Variants in MACC1 observed in about 807,000 individuals in gnomAD.
MACC1 encodes the protein metastasis-associated in colon cancer protein 1.
Under a neutral mutation model 70.7 loss-of-function variants are expected in MACC1, and 79 were observed. The ratio of observed to expected loss-of-function variants is 1.12; its 90% CI spans 0.93 to 1.35. The LOEUF (loss-of-function observed/expected upper bound fraction) is 1.35, where lower values mean the gene tolerates loss of function less well. Ranked by LOEUF, MACC1 falls within the 40% of genes most tolerant of loss-of-function variation. The pLI is 0.00. For synonymous variants in MACC1, 361 were observed against 347.2 expected (o/e 1.04, Z -0.44); for missense variants, 1,106 against 978.1 (o/e 1.13, Z -1.74).
At chr7:20,182,768 T>G (rs2128106059) in intron 1 of MACC1, among the ~76,000 whole-genome samples, 1 of 152,262 alleles carries the variant, frequency 6.6e-6, no homozygotes. Context: ...CTTTGACACA[T>G]GGGAGTCACT....
At chr7:20,179,022 C>T (rs1346516549) in intron 1 of MACC1, among the ~76,000 whole-genome samples, 1 of 152,124 alleles carries the variant, frequency 6.6e-6, no homozygotes, top group Admixed American at 6.5e-5. Flanking sequence ...GAAATGAATA[C>T]TCTTTTCTTC....
intron 1 of MACC1, among the ~76,000 whole-genome samples, chr7:20,204,027 T>G (rs1193633679): frequency 6.6e-6 from 1 of 152,248 alleles, no homozygotes; most frequent in Non-Finnish European, 1.5e-5. Flanking sequence ...GTACATGCTT[T>G]TATATTATTT....
intron 1 of MACC1, among the ~76,000 whole-genome samples, chr7:20,193,907 T>G (rs1459193016): frequency 6.6e-6 from 1 of 151,760 alleles, no homozygotes. Context: ...CACACACACC[T>G]TTAAGAAGCC....
chr7:20,173,069 C>A (rs1202134450), intron 1 of MACC1, among the ~76,000 whole-genome samples: 1 of 152,136 alleles, frequency 6.6e-6, no homozygotes, highest in African/African-American at 2.4e-5. Context: ...GCATCAAAAT[C>A]AATTTCAGAG....
chr7:20,172,694 C>T (rs1281609699), intron 1 of MACC1, among the ~76,000 whole-genome samples: 1 of 152,184 alleles, frequency 6.6e-6, no homozygotes, highest in Non-Finnish European at 1.5e-5. Context: ...TTAATTCTTT[C>T]AATTGACCTA....
intron 1 of MACC1, among the ~76,000 whole-genome samples, chr7:20,206,778 C>T (rs1306049210): frequency 1.3e-5 from 2 of 152,188 alleles, no homozygotes; most frequent in African/African-American, 4.8e-5. Flanking sequence ...ATCTGTTCTT[C>T]CTTCCAAACC....
At chr7:20,195,353 A>T (rs1583407540) in intron 1 of MACC1, among the ~76,000 whole-genome samples, 1 of 152,252 alleles carries the variant, frequency 6.6e-6, no homozygotes, top group African/African-American at 2.4e-5. Flanking sequence ...CAAGGTGGCC[A>T]TTCCACAGGC....
In MACC1 at chr7:20,158,210, A is replaced by C; in HGVS notation, c.2151T>G (p.Leu717=). 6.4e-7 allele frequency: 1 copy of C among 1,569,218 alleles called. No homozygotes were observed. Among genetic ancestry groups the C allele is most frequent in the Non-Finnish European group, 8.6e-7 (1 of 1,164,696 alleles). ...ERNTRKFLYE[L]IVALLKMDCQ... ...ATGATCAAGCAATACTCACCACAAT[A>C]AGTTCATACAGAAACTTCCTTGTAT... The change falls in exon 5 of 7, where the codon CTT becomes CTG. Residue 717 remains leucine (L), a synonymous_variant. Transcript: ENST00000400331.
intron 1 of MACC1, among the ~76,000 whole-genome samples, chr7:20,197,191 C>G (rs1266352866): frequency 6.6e-6 from 1 of 152,180 alleles, no homozygotes; most frequent in East Asian, 1.9e-4. Flanking sequence ...CTGACAAAAA[C>G]TAAAGAGAAT....
intron 1 of MACC1, among the ~76,000 whole-genome samples, chr7:20,185,242 C>T (rs1782568220): frequency 6.6e-6 from 1 of 152,154 alleles, no homozygotes; most frequent in Admixed American, 6.5e-5. Flanking sequence ...CTATCAATAT[C>T]CCAGCCATTT....
At chr7:20,176,425 A>T (rs1045690585) in intron 1 of MACC1, among the ~76,000 whole-genome samples, 22 of 152,098 alleles carry the variant, frequency 1.4e-4, no homozygotes, top group African/African-American at 5.3e-4. Flanking sequence ...GATCAAGTCT[A>T]TTGTTTTCAA....
chr7:20,152,686 G>A (rs924783495), intron 6 of MACC1, among the ~76,000 whole-genome samples: 1 of 152,152 alleles, frequency 6.6e-6, no homozygotes, highest in Non-Finnish European at 1.5e-5. Flanking sequence ...GATTTGGGCT[G>A]TGCAAAAGTA....
Position 20,139,841 on chromosome 7 carries a change from C to G in MACC1, c.*1105G>C, listed in dbSNP as rs1781771003. The G allele has an allele frequency of 6.6e-6, 1 of 152,050 alleles. No homozygotes were observed. The highest frequency in any genetic ancestry group is 2.4e-5 in the African/African-American group (1 of 41,304). The allele number at this position is 152,050 out of a possible 1,614,324, so 9.4% of individuals were successfully genotyped here. On this transcript the variant is annotated 3_prime_UTR_variant, in exon 7 of 7. Transcript: ENST00000400331. ...ACACTGTGGTACACACACACACACACACACACACACACACACACACATGTG... is the reference window on the plus strand; with the variant it reads ...ACACTGTGGTACACACACACACACAGACACACACACACACACACACATGTG...
intron 1 of MACC1, among the ~76,000 whole-genome samples, chr7:20,199,876 G>C (rs1782807613): frequency 6.6e-6 from 1 of 152,010 alleles, no homozygotes; most frequent in Non-Finnish European, 1.5e-5. Context: ...TCTATAAAAT[G>C]AATCAATCAG....
At chr7:20,210,432 A>G (rs1308909071) in intron 1 of MACC1, among the ~76,000 whole-genome samples, 1 of 152,156 alleles carries the variant, frequency 6.6e-6, no homozygotes, top group Non-Finnish European at 1.5e-5. Flanking sequence ...TGTCACTTTC[A>G]TCGCACTATG....
chr7:20,193,552 A>G (rs1782703171), intron 1 of MACC1, among the ~76,000 whole-genome samples: 1 of 152,216 alleles, frequency 6.6e-6, no homozygotes, highest in African/African-American at 2.4e-5. Context: ...CCTGTTATAG[A>G]CAATGGTAAG....
At chr7:20,144,854 G>A (rs1168718852) in intron 6 of MACC1, among the ~76,000 whole-genome samples, 10 of 152,128 alleles carry the variant, frequency 6.6e-5, no homozygotes, top group African/African-American at 2.4e-4. Context: ...TCTCAACTAA[G>A]TCAATTATTA....
At chr7:20,196,826 C>G (rs1782761824) in intron 1 of MACC1, among the ~76,000 whole-genome samples, 1 of 152,070 alleles carries the variant, frequency 6.6e-6, no homozygotes, top group Admixed American at 6.6e-5. Flanking sequence ...AAGCAAAGTT[C>G]CTTTGGCTGA....
At chr7:20,174,909 T>G (rs1179667571) in intron 1 of MACC1, among the ~76,000 whole-genome samples, 1 of 152,150 alleles carries the variant, frequency 6.6e-6, no homozygotes, top group East Asian at 1.9e-4. Flanking sequence ...ATTTTCCCAG[T>G]TTTCTGTTGA....
Sources: gnomAD v4.1 joint callset for allele counts (sites outside exome capture counted in the v4.1 genomes callset) on GRCh38, gnomAD v4.1.1 for gene constraint, MANE v1.5 for transcripts, NCBI Gene and HGNC (gene_info 2026-07-23, HGNC 2026-07-21) for gene names.